Variants in C5orf34 observed in about 807,000 individuals in gnomAD.
C5orf34 encodes the protein chromosome 5 open reading frame 34.
Under a neutral mutation model 78.4 loss-of-function variants are expected in C5orf34, and 73 were observed. The observed-to-expected ratio is 0.93, with a 90% CI of 0.77 to 1.13. C5orf34 has a LOEUF of 1.13. Among genes scored for constraint, C5orf34 ranks in the 50% most tolerant of loss-of-function variants. The probability of loss-of-function intolerance (pLI) is 0.00; values close to 1 mark genes in which losing one functional copy is unlikely to be tolerated. For missense variants in C5orf34, 730 were observed against 732.7 expected, an observed-to-expected ratio of 1.00 and a Z score of 0.04; for synonymous variants, 251 against 246.6, an observed-to-expected ratio of 1.02 and a Z score of -0.17.
rs189369648 is a variant in C5orf34 at position 43,508,129 on chromosome 5, G to C, written c.285+448C>G. 2.8e-3 allele frequency among the ~76,000 whole-genome samples: 419 copies of C among 150,072 alleles called. 1 individual carries two copies. Among genetic ancestry groups the C allele is most frequent in the Non-Finnish European group, 4.3e-3 (290 of 67,722 alleles). ...GCCATCTAGCCAATATACCTGTTTT[G>C]ATTGGATGGACATCCATTTTGATCA... On this transcript the variant is annotated intron_variant, in intron 3 of 12. Transcript: ENST00000306862.
chr5:43,503,800 CA>C (rs759132698), intron 4 of C5orf34, 40 bp from the exon 5 acceptor site: 1 of 1,347,348 alleles, frequency 7.4e-7, no homozygotes, highest in African/African-American at 1.4e-5. Flanking sequence ...TCTGGTTGCT[CA>C]ATATAATTGT....
At chr5:43,497,589 A>G (rs915131804) in intron 6 of C5orf34, among the ~76,000 whole-genome samples, 9 of 152,320 alleles carry the variant, frequency 5.9e-5, no homozygotes, top group East Asian at 1.9e-4. Context: ...TGGGCAGGCT[A>G]TACAACCTTT....
chr5:43,509,140 C>G lies in C5orf34; in HGVS notation c.195+5G>C. 1.2e-6 allele frequency: 2 copies of G among 1,608,092 alleles called. No individual in the cohort carries two copies. The highest frequency in any genetic ancestry group is 2.2e-5 in the South Asian group (2 of 90,008). ...AAAAGTTGTTTACGTGATATCTTTA[C>G]TTACTCTGTAAGTGCTAATGACAAA... On this transcript the variant is annotated splice_donor_5th_base_variant and intron_variant, in intron 2 of 12. Transcript: ENST00000306862.
intron 10 of C5orf34, 97 bp from the exon 11 acceptor site, chr5:43,490,826 G>T: frequency 1.5e-6 from 1 of 645,778 alleles, no homozygotes; most frequent in East Asian, 3.1e-5. Flanking sequence ...TGGGAAAAAA[G>T]GATAAAGAAA....
rs775517508 is a variant in C5orf34, at chr5:43,502,347, T to C, written c.1152+25A>G. 4 of 1,609,170 alleles carry C rather than the reference T, an allele frequency of 2.5e-6. No individual in the cohort carries two copies. In the Admixed American group the frequency reaches 6.7e-5, roughly 27 times the overall value. On this transcript the variant is annotated intron_variant, in intron 6 of 12. Transcript: ENST00000306862. ...AAGAGCTATACAGCAAAACTCTTCT[T>C]GAGTTGAGTTCATTGTTGGCTTACC...
In C5orf34 at chr5:43,493,716, T is replaced by C. The variant is rs187283967; in HGVS notation, c.1245-104A>G. On this transcript the variant is annotated intron_variant, in intron 7 of 12. Coordinates refer to ENST00000306862, the MANE Select transcript of C5orf34 (RefSeq NM_198566.4). ...AACATTTTAGATGATCAGTAAATCA[T>C]TTTCACTGAAATGTGTTGGGAACTC... 4.9e-3 allele frequency: 3,124 copies of C among 643,812 alleles called. 12 individuals are homozygous for C. Among genetic ancestry groups the C allele is most frequent in the Middle Eastern group, 0.012 (46 of 3,850 alleles). 39.9% of individuals were successfully genotyped at this position (643,812 alleles called of 1,614,324 possible).
chr5:43,507,311 C>T (rs1310346596), intron 3 of C5orf34, among the ~76,000 whole-genome samples: 1 of 152,116 alleles, frequency 6.6e-6, no homozygotes, highest in East Asian at 1.9e-4. Flanking sequence ...TATGTAAAAT[C>T]TTACGTTTAC....
chr5:43,504,991 A>T (rs1745918151), intron 4 of C5orf34, among the ~76,000 whole-genome samples: 2 of 152,164 alleles, frequency 1.3e-5, no homozygotes, highest in Admixed American at 1.3e-4. Context: ...TCCTCAAGTT[A>T]TTTAACATTT....
At chr5:43,509,786 C>T (rs1467192749) in intron 1 of C5orf34, among the ~76,000 whole-genome samples, 5 of 151,900 alleles carry the variant, frequency 3.3e-5, no homozygotes, top group East Asian at 3.9e-4. Context: ...GATGGAGTCT[C>T]GCTCTGTCAT....
At chr5:43,499,612 T>C (rs968667611) in intron 6 of C5orf34, among the ~76,000 whole-genome samples, 1 of 152,198 alleles carries the variant, frequency 6.6e-6, no homozygotes, top group Non-Finnish European at 1.5e-5. Flanking sequence ...CTTCAGTGTG[T>C]ATTTGCCCAG....
chr5:43,512,760 CTTTTTTTTTTTTTTTTTTTTTTTTTTTT>C (rs58813772), intron 1 of C5orf34, among the ~76,000 whole-genome samples: 5 of 72,880 alleles, frequency 6.9e-5, no homozygotes, highest in South Asian at 1.1e-3. Context: ...CCCACCTTGT[CTTTTTTTTTTTTTTTTTTTTTTTTTTTT>C]TTTTTTTTTT....
At position 43,505,986 on chromosome 5, in the gene C5orf34, T is replaced by G. The variant is rs774108534; in HGVS notation, c.694A>C (p.Thr232Pro). The change falls in exon 4 of 13, where the codon ACA (threonine) becomes CCA (proline). Residue 232 changes from threonine (T) to proline (P), a missense_variant. Thr to Pro is a conservative substitution (Grantham distance 38). Coordinates refer to ENST00000306862, the MANE Select transcript of C5orf34 (RefSeq NM_198566.4). ...EELPSPGTKH[T>P]CVYTWVKQCW... ...TGCTTGACCCATGTGTATACACATG[T>G]GTGCTTTGTACCAGGCGAAGGCAGC... 9 of 1,614,066 alleles carry G rather than the reference T, an allele frequency of 5.6e-6. No individual in the cohort carries two copies. The highest frequency in any genetic ancestry group is 1.7e-6 in the Non-Finnish European group (2 of 1,180,024).
Position 43,492,231 on chromosome 5 carries a change from G to A in C5orf34, c.1564C>T (p.Pro522Ser), listed in dbSNP as rs1328872948. Reference protein sequence around the residue: ...GQEQLIQIEHPEPYERYVTTV... With the variant: ...GQEQLIQIEHSEPYERYVTTV... ...TTTCAGTACCTTTCATATGGTTCAGGGTGTTCAATCTGAATTAACTGCTCT... is the reference window on the plus strand; with the variant it reads ...TTTCAGTACCTTTCATATGGTTCAGAGTGTTCAATCTGAATTAACTGCTCT... Residue 522 changes from proline (P) to serine (S), a missense_variant, in exon 10 of 13, where the codon CCT becomes TCT. Physicochemically the swap from Pro to Ser is moderately conservative, Grantham distance 74. Coordinates refer to ENST00000306862, the MANE Select transcript of C5orf34 (RefSeq NM_198566.4). The A allele has an allele frequency of 3.7e-6, 6 of 1,610,436 alleles. No homozygotes were observed. Among genetic ancestry groups the A allele is most frequent in the African/African-American group, 1.3e-5 (1 of 74,874 alleles).
At chr5:43,510,124 A>T (rs1746160352) in intron 1 of C5orf34, among the ~76,000 whole-genome samples, 1 of 152,152 alleles carries the variant, frequency 6.6e-6, no homozygotes, top group African/African-American at 2.4e-5. Context: ...AGCAAATTCC[A>T]CCTTTATGGT....
intron 1 of C5orf34, among the ~76,000 whole-genome samples, chr5:43,512,448 T>A (rs545687603): frequency 6.6e-6 from 1 of 152,342 alleles, no homozygotes; most frequent in South Asian, 2.1e-4. Context: ...TTCACCTCTA[T>A]CTCTTTACTG....
intron 6 of C5orf34, chr5:43,495,352 T>G: frequency 6.2e-7 from 1 of 1,611,844 alleles, no homozygotes; most frequent in Non-Finnish European, 8.5e-7. Flanking sequence ...CAAACTTGCA[T>G]GCAATGTGAG....
intron 3 of C5orf34, among the ~76,000 whole-genome samples, chr5:43,507,624 G>A (rs1746041848): frequency 6.6e-6 from 1 of 152,168 alleles, no homozygotes; most frequent in Admixed American, 6.5e-5. Context: ...TACTCAGCCG[G>A]CAGGCAAGCA....
At chr5:43,504,636 AG>A (rs1334922834) in intron 4 of C5orf34, among the ~76,000 whole-genome samples, 5 of 152,204 alleles carry the variant, frequency 3.3e-5, no homozygotes, top group African/African-American at 1.2e-4. Context: ...CAAGCATTTT[AG>A]GGATTGCTAA....
intron 6 of C5orf34, among the ~76,000 whole-genome samples, chr5:43,501,045 C>T (rs977352368): frequency 5.3e-5 from 8 of 152,172 alleles, no homozygotes; most frequent in Non-Finnish European, 7.3e-5. Flanking sequence ...ACCACAAATG[C>T]GTTTTAACCC....
Sources: gnomAD v4.1 joint callset for allele counts (sites outside exome capture counted in the v4.1 genomes callset) on GRCh38, gnomAD v4.1.1 for gene constraint, MANE v1.5 for transcripts, NCBI Gene and HGNC (gene_info 2026-07-23, HGNC 2026-07-21) for gene names.